Variants in CSMD1 observed in about 807,000 individuals in gnomAD.
The protein encoded by CSMD1 is CUB and Sushi multiple domains 1.
CSMD1 carries 213 observed loss-of-function variants against 417.5 expected under a neutral mutation model. The observed-to-expected ratio is 0.51, with a 90% confidence interval of 0.46 to 0.57. CSMD1 has a LOEUF of 0.57. CSMD1 is among the 20% of genes least tolerant of loss of function. The pLI, the probability that CSMD1 is intolerant of heterozygous loss-of-function variation, is 0.00. For missense variants in CSMD1, 6,923 were observed against 4,529.7 expected (o/e 1.53, Z -15.17); for synonymous variants, 2,862 against 1,736.8 (o/e 1.65, Z -16.11).
At chr8:4,390,103 G>A (rs576151787) in intron 3 of CSMD1, among the ~76,000 whole-genome samples, 124 of 152,184 alleles carry the variant, frequency 8.1e-4, no homozygotes, top group African/African-American at 2.9e-3. Flanking sequence ...TAAACATTTG[G>A]TATTCCATAA....
chr8:4,050,838 T>G (rs1384785437), intron 3 of CSMD1, among the ~76,000 whole-genome samples: 2 of 152,130 alleles, frequency 1.3e-5, no homozygotes, highest in East Asian at 3.9e-4. Flanking sequence ...TTTTTAAAAT[T>G]TTAGAGAAGA....
chr8:3,681,645 C>G (rs1172925710), intron 7 of CSMD1, among the ~76,000 whole-genome samples: 1 of 152,156 alleles, frequency 6.6e-6, no homozygotes, highest in Admixed American at 6.5e-5. Context: ...ATGCCATCCC[C>G]ATCAAGCTAC....
intron 16 of CSMD1, 125 bp downstream of exon 16, chr8:3,399,266 T>C (rs1304853968): frequency 3.8e-6 from 3 of 782,812 alleles, no homozygotes; most frequent in Non-Finnish European, 5.9e-6. Flanking sequence ...CTGTTTCTGG[T>C]AAAGTGTGCT....
chr8:4,821,300 T>A (rs926336016), intron 1 of CSMD1, among the ~76,000 whole-genome samples: 2 of 152,186 alleles, frequency 1.3e-5, no homozygotes, highest in African/African-American at 4.8e-5. Context: ...CATGTGCCAG[T>A]ATAATCCAAT....
chr8:3,006,128 AC>A (rs1433254124), intron 52 of CSMD1, among the ~76,000 whole-genome samples: 1 of 151,298 alleles, frequency 6.6e-6, no homozygotes, highest in Non-Finnish European at 1.5e-5. Context: ...TACACCAACA[AC>A]AGACAAACAG....
chr8:3,951,946 C>T (rs113087702), intron 5 of CSMD1, among the ~76,000 whole-genome samples: 1,969 of 151,996 alleles, frequency 0.013, 21 homozygotes, highest in Non-Finnish European at 0.021. Flanking sequence ...ATATCGAATA[C>T]ATAATTATGA....
intron 5 of CSMD1, among the ~76,000 whole-genome samples, chr8:3,894,770 A>T (rs556887376): frequency 2.0e-5 from 3 of 152,308 alleles, no homozygotes; most frequent in African/African-American, 7.2e-5. Flanking sequence ...TCCACATGTC[A>T]ATTAGAAGTG....
chr8:3,708,889 G>A (rs79189398), intron 6 of CSMD1, among the ~76,000 whole-genome samples: 1 of 152,076 alleles, frequency 6.6e-6, no homozygotes, highest in African/African-American at 2.4e-5. Context: ...ATGAAAAAAA[G>A]TTTAGATAAA....
At chr8:3,734,251 C>A (rs1030550678) in intron 6 of CSMD1, among the ~76,000 whole-genome samples, 1 of 152,196 alleles carries the variant, frequency 6.6e-6, no homozygotes, top group East Asian at 1.9e-4. Context: ...CTACTCAGCA[C>A]CATTCCATGT....
intron 39 of CSMD1, among the ~76,000 whole-genome samples, chr8:3,155,717 C>G (rs1312837974): frequency 6.6e-6 from 1 of 152,054 alleles, no homozygotes; most frequent in Non-Finnish European, 1.5e-5. Context: ...TTTTAGCTGA[C>G]ATGTTAATCT....
intron 3 of CSMD1, among the ~76,000 whole-genome samples, chr8:4,084,601 A>C (rs1268090171): frequency 6.6e-6 from 1 of 152,098 alleles, no homozygotes. Flanking sequence ...GGAGAGAGAA[A>C]ATGAAAGCGA....
chr8:3,725,636 A>G (rs549233059), intron 6 of CSMD1, among the ~76,000 whole-genome samples: 1 of 152,232 alleles, frequency 6.6e-6, no homozygotes, highest in South Asian at 2.1e-4. Context: ...GTGATGTCCA[A>G]GCAACAGGAT....
intron 7 of CSMD1, among the ~76,000 whole-genome samples, chr8:3,691,299 G>A (rs1007266414): frequency 4.6e-5 from 7 of 151,948 alleles, no homozygotes; most frequent in Non-Finnish European, 8.8e-5. Flanking sequence ...CCTGGGAGGC[G>A]GAGGTTGCAG....
At chr8:4,446,307 G>T (rs180767670) in intron 2 of CSMD1, among the ~76,000 whole-genome samples, 1 of 152,112 alleles carries the variant, frequency 6.6e-6, no homozygotes, top group East Asian at 1.9e-4. Flanking sequence ...TGCTTCTTTG[G>T]GAGCCCAGCA....
At chr8:3,442,552 C>A (rs1011962948) in intron 12 of CSMD1, among the ~76,000 whole-genome samples, 1 of 152,156 alleles carries the variant, frequency 6.6e-6, no homozygotes, top group East Asian at 1.9e-4. Context: ...ACATGCTGTA[C>A]AGGTTTGGAG....
At chr8:3,896,415 T>TA (rs1359700386) in intron 5 of CSMD1, among the ~76,000 whole-genome samples, 1 of 152,166 alleles carries the variant, frequency 6.6e-6, no homozygotes, top group Non-Finnish European at 1.5e-5. Context: ...ACATGGAAAA[T>TA]GCTACATGTA....
intron 1 of CSMD1, among the ~76,000 whole-genome samples, chr8:4,795,783 C>CT (rs1283217617): frequency 1.3e-5 from 2 of 152,052 alleles, no homozygotes; most frequent in Non-Finnish European, 2.9e-5. Context: ...TTCAGGTACT[C>CT]TGAGTGCAAT....
intron 3 of CSMD1, among the ~76,000 whole-genome samples, chr8:4,140,196 A>AAAACAAAT (rs141727087): frequency 0.3 from 44,432 of 149,512 alleles, 8,271 homozygotes; most frequent in Non-Finnish European, 0.38. Context: ...CTAAAACCAC[A>AAAACAAAT]AAACAAATAA....
At chr8:4,518,504 A>T (rs938838121) in intron 2 of CSMD1, among the ~76,000 whole-genome samples, 6 of 152,032 alleles carry the variant, frequency 3.9e-5, no homozygotes, top group African/African-American at 1.2e-4. Flanking sequence ...TTCTCAGAAA[A>T]CTATCGCAAG....
Sources: gnomAD v4.1 joint callset for allele counts (sites outside exome capture counted in the v4.1 genomes callset) on GRCh38, gnomAD v4.1.1 for gene constraint, MANE v1.5 for transcripts, NCBI Gene and HGNC (gene_info 2026-07-23, HGNC 2026-07-21) for gene names.